The following ZYG11A variants were observed in gnomAD, a reference collection of about 807,000 sequenced individuals.
ZYG11A encodes protein zyg-11 homolog A.
Under a neutral mutation model 77.2 loss-of-function variants are expected in ZYG11A, and 62 were observed. The observed-to-expected ratio is 0.80, with a 90% CI of 0.65 to 0.99. The LOEUF is 0.99. ZYG11A is among the 50% of genes least tolerant of loss of function. The probability of loss-of-function intolerance (pLI) is 0.00; values close to 1 mark genes in which losing one functional copy is unlikely to be tolerated. For synonymous variants in ZYG11A, 315 were observed against 324.6 expected (o/e 0.97, Z 0.32); for missense variants, 828 against 896.8 (o/e 0.92, Z 0.98).
At chr1:52,855,513 A>C (rs1043792690) in intron 2 of ZYG11A, among the ~76,000 whole-genome samples, 6 of 152,106 alleles carry the variant, frequency 3.9e-5, no homozygotes, top group African/African-American at 1.4e-4. Flanking sequence ...AGAACCTCAA[A>C]CTTTCCATCA....
intron 1 of ZYG11A, among the ~76,000 whole-genome samples, chr1:52,852,446 C>T (rs1324824193): frequency 6.7e-6 from 1 of 150,274 alleles, no homozygotes; most frequent in Non-Finnish European, 1.5e-5. Flanking sequence ...TCACTGCACT[C>T]TCTGCCTTCT....
intron 8 of ZYG11A, among the ~76,000 whole-genome samples, chr1:52,874,227 A>AGC (rs2150012275): frequency 9.0e-6 from 1 of 110,564 alleles, no homozygotes; most frequent in African/African-American, 3.6e-5. Flanking sequence ...AGCGTTTTTT[A>AGC]GCTCTCTCTC....
At chr1:52,863,007 GA>G (rs1441099743) in intron 4 of ZYG11A, among the ~76,000 whole-genome samples, 4 of 152,072 alleles carry the variant, frequency 2.6e-5, no homozygotes, top group Non-Finnish European at 5.9e-5. Flanking sequence ...GCTGAATTTA[GA>G]TGTTCTAAAT....
In ZYG11A at chr1:52,842,775, C is replaced by G; in HGVS notation, c.-109C>G. 1.9e-6 allele frequency: 2 copies of G among 1,064,940 alleles called. No individual in the cohort carries two copies. The highest frequency in any genetic ancestry group is 1.5e-5 in the South Asian group (1 of 68,020). The allele number at this position is 1,064,940 out of a possible 1,614,324, so 66.0% of individuals were successfully genotyped here. ...AGGGCGCGGCGCTAGCTCCGTGTGC[C>G]TCGCAGGCGTGGTGGGCGCGTCCTG... is the stretch of plus-strand genomic sequence containing the variant. On this transcript the variant is annotated 5_prime_UTR_variant, in exon 1 of 14. Coordinates refer to ENST00000371528, the MANE Select transcript of ZYG11A (RefSeq NM_001004339.3).
intron 6 of ZYG11A, among the ~76,000 whole-genome samples, 182 bp downstream of exon 6, chr1:52,866,749 A>G (rs909027930): frequency 6.6e-6 from 1 of 152,184 alleles, no homozygotes; most frequent in African/African-American, 2.4e-5. Context: ...AGTATAGGAT[A>G]GTGGGTAAGA....
chr1:52,857,826 A>T, intron 3 of ZYG11A, 77 bp downstream of exon 3: 2 of 1,284,722 alleles, frequency 1.6e-6, no homozygotes, highest in Non-Finnish European at 2.1e-6. Flanking sequence ...CAGACTTTTT[A>T]CTAGGTATTA....
Position 52,893,318 on chromosome 1 carries a change from C to G in ZYG11A, c.*361C>G. 5.7e-6 allele frequency: 1 copy of G among 176,046 alleles called. No homozygotes were observed. Among genetic ancestry groups the G allele is most frequent in the South Asian group, 1.5e-4 (1 of 6,496 alleles). 10.9% of individuals were successfully genotyped at this position (176,046 alleles called of 1,614,324 possible). On this transcript the variant is annotated 3_prime_UTR_variant, in exon 14 of 14. Transcript: ENST00000371528. ...CTGTTCACTAGAAGAGAAAGGAAAC[C>G]TACAGGGAGACTTTGATATTTATAT...
At chr1:52,870,513 T>C (rs1646136732) in intron 8 of ZYG11A, among the ~76,000 whole-genome samples, 1 of 152,258 alleles carries the variant, frequency 6.6e-6, no homozygotes, top group African/African-American at 2.4e-5. Context: ...GGCACGCGGC[T>C]GGGAGGTGGA....
intron 1 of ZYG11A, among the ~76,000 whole-genome samples, chr1:52,847,508 CA>C (rs1244600703): frequency 9.0e-6 from 1 of 110,502 alleles, no homozygotes; most frequent in Non-Finnish European, 2.2e-5. Flanking sequence ...CCCAGCCTGT[CA>C]TTTTTTTTTT....
rs766206825 is a variant in ZYG11A, at chr1:52,894,334, CAG to C, written c.*1382_*1383del. 8.5e-5 allele frequency: 13 copies of C among 152,256 alleles called. No homozygotes were observed. Among genetic ancestry groups the C allele is most frequent in the Non-Finnish European group, 1.9e-4 (13 of 68,026 alleles). The allele number at this position is 152,256 out of a possible 1,614,324, so 9.4% of individuals were successfully genotyped here. ...ACGAAAGGCCAGAAAGAGACTTTGC[CAG>C]AGAGTTCACGGAGTTTTCTTACCCC... On this transcript the variant is annotated 3_prime_UTR_variant, in exon 14 of 14. Coordinates refer to ENST00000371528, the MANE Select transcript of ZYG11A (RefSeq NM_001004339.3).
chr1:52,879,966 A>G (rs961968856), intron 10 of ZYG11A, among the ~76,000 whole-genome samples: 2 of 150,724 alleles, frequency 1.3e-5, no homozygotes, highest in African/African-American at 4.9e-5. Flanking sequence ...GGGTTTCACC[A>G]TGTTAGCCAG....
intron 3 of ZYG11A, among the ~76,000 whole-genome samples, 193 bp from the exon 4 acceptor site, chr1:52,860,538 T>G (rs546334): frequency 6.6e-6 from 1 of 152,006 alleles, no homozygotes; most frequent in African/African-American, 2.4e-5. Context: ...CTCGGGTGAT[T>G]CACCTGCCTC....
intron 1 of ZYG11A, among the ~76,000 whole-genome samples, chr1:52,847,661 T>C (rs1645616897): frequency 1.3e-5 from 2 of 151,162 alleles, no homozygotes; most frequent in African/African-American, 4.8e-5. Flanking sequence ...TCCCCTGTAC[T>C]GTACTTTGTT....
chr1:52,859,667 CTTTTTTTTTTTTTT>C (rs60756718), intron 3 of ZYG11A, among the ~76,000 whole-genome samples: 2,191 of 43,004 alleles, frequency 0.051, 109 homozygotes, highest in African/African-American at 0.16. Context: ...TGTGTATTGC[CTTTTTTTTTTTTTT>C]TTTTTTTTTT....
At chr1:52,855,362 G>C (rs1052846154) in intron 2 of ZYG11A, among the ~76,000 whole-genome samples, 5 of 151,896 alleles carry the variant, frequency 3.3e-5, no homozygotes, top group Non-Finnish European at 7.4e-5. Flanking sequence ...CATAATTTTT[G>C]TATTTTTAGT....
At chr1:52,859,773 G>A (rs1217035824) in intron 3 of ZYG11A, among the ~76,000 whole-genome samples, 1 of 144,288 alleles carries the variant, frequency 6.9e-6, no homozygotes, top group African/African-American at 2.6e-5. Context: ...TGCCTCCCGG[G>A]TTCAAGTGAT....
chr1:52,862,303 A>AT (rs898243797), intron 4 of ZYG11A, among the ~76,000 whole-genome samples: 6 of 145,240 alleles, frequency 4.1e-5, no homozygotes, highest in East Asian at 2.0e-4. Context: ...TGAGCCCAGG[A>AT]TTTTTTTTTG....
In ZYG11A at chr1:52,867,810, T is replaced by A. The variant is rs74227999; in HGVS notation, c.1542+33T>A. 11,350 of 1,521,298 alleles carry A rather than the reference T, an allele frequency of 7.5e-3. 1,249 individuals carry two copies. The Admixed American group carries it at 0.2, about 27-fold the overall frequency. 94.2% of individuals were successfully genotyped at this position (1,521,298 alleles called of 1,614,324 possible). The stretch of plus-strand genomic sequence containing the variant: ...CCTTGTCATGTTCATAACCTTTTTT[T>A]AAAAAAAGTCAAATTTATGATTATA... On this transcript the variant is annotated intron_variant, in intron 8 of 13. Coordinates refer to ENST00000371528, the MANE Select transcript of ZYG11A (RefSeq NM_001004339.3).
At chr1:52,862,423 T>C (rs1418789229) in intron 4 of ZYG11A, among the ~76,000 whole-genome samples, 2 of 149,754 alleles carry the variant, frequency 1.3e-5, no homozygotes, top group East Asian at 4.2e-4. Flanking sequence ...ACCATTCTCC[T>C]GCCTCAGCCT....
Sources: allele counts gnomAD v4.1 joint callset (sites outside exome capture counted in the v4.1 genomes callset), GRCh38; gene constraint gnomAD v4.1.1; transcripts MANE v1.5; gene names NCBI Gene and HGNC (gene_info 2026-07-23, HGNC 2026-07-21).